PCDH15: variants seen among roughly 807,000 people sequenced by gnomAD.
The protein encoded by PCDH15 is protocadherin-15.
In PCDH15, 129 loss-of-function variants were observed where a neutral mutation model predicts 178.5. That is an observed-to-expected ratio of 0.72 (90% CI 0.63 to 0.84). The LOEUF (loss-of-function observed/expected upper bound fraction) is 0.84, where lower values mean the gene tolerates loss of function less well. PCDH15 is among the 40% of genes least tolerant of loss of function. The pLI, the probability that PCDH15 is intolerant of heterozygous loss-of-function variation, is 0.00. For missense variants in PCDH15, 2,230 were observed against 2,099.9 expected (o/e 1.06, Z -1.21); for synonymous variants, 800 against 732.0 (o/e 1.09, Z -1.50).
Position 54,257,403 on chromosome 10 carries a change from C to CTTTTTTT in PCDH15, c.877-20479_877-20473dup, listed in dbSNP as rs71461225. On this transcript the variant is annotated intron_variant, in intron 8 of 37. Coordinates refer to ENST00000644397, the MANE Select transcript of PCDH15 (RefSeq NM_001384140.1). ...TGTGTGAAATAAAGAGAATTGTCTTCTTTTTTTTTTTTTTTTTGTCAAAGA... is the reference window on the plus strand; with the variant it reads ...TGTGTGAAATAAAGAGAATTGTCTTCTTTTTTTTTTTTTTTTTTTTTTTTGTCAAAGA... Among the ~76,000 whole-genome samples, 829 of 125,456 alleles carry CTTTTTTT rather than the reference C, an allele frequency of 6.6e-3. 9 individuals are homozygous for CTTTTTTT. The highest frequency in any genetic ancestry group is 9.1e-3 in the Non-Finnish European group (550 of 60,764). 82.3% of individuals were successfully genotyped at this position (125,456 alleles called of 152,430 possible).
intron 2 of PCDH15, among the ~76,000 whole-genome samples, chr10:54,972,451 A>T (rs1347040322): frequency 1.3e-5 from 2 of 152,082 alleles, no homozygotes; most frequent in Non-Finnish European, 2.9e-5. Flanking sequence ...TAGGCAGGAG[A>T]ATCGCTTGAA....
chr10:54,354,142 C>T (rs1158376767), intron 5 of PCDH15, among the ~76,000 whole-genome samples: 2 of 152,102 alleles, frequency 1.3e-5, no homozygotes, highest in South Asian at 2.1e-4. Flanking sequence ...TGCGCCACCA[C>T]GCCTGGCTAA....
intron 20 of PCDH15, among the ~76,000 whole-genome samples, chr10:54,000,217 G>A (rs78686794): frequency 0.012 from 1,872 of 152,098 alleles, 14 homozygotes; most frequent in Non-Finnish European, 0.019. Flanking sequence ...TAACAAATAC[G>A]AAGAAGTCCA....
chr10:55,029,488 T>G (rs1230767524), intron 2 of PCDH15, among the ~76,000 whole-genome samples: 1 of 151,940 alleles, frequency 6.6e-6, no homozygotes, highest in African/African-American at 2.4e-5. Context: ...ACTCAACACT[T>G]CTGTGCTGAG....
intron 2 of PCDH15, among the ~76,000 whole-genome samples, chr10:55,151,894 G>C (rs1458086830): frequency 6.6e-6 from 1 of 151,420 alleles, no homozygotes; most frequent in Non-Finnish European, 1.5e-5. Context: ...TAAGGATAAA[G>C]ACAGGATATA....
upstream of PCDH15, among the ~76,000 whole-genome samples, chr10:55,321,274 T>C (rs1843893035): frequency 6.6e-6 from 1 of 152,106 alleles, no homozygotes; most frequent in Admixed American, 6.5e-5. Context: ...ACTGGCTCAC[T>C]TAAATGACAC....
chr10:54,083,672 T>C (rs747233277), intron 16 of PCDH15, among the ~76,000 whole-genome samples: 1 of 152,180 alleles, frequency 6.6e-6, no homozygotes, highest in Non-Finnish European at 1.5e-5. Flanking sequence ...GGTTTCTATT[T>C]GGAGTGATGA....
intron 2 of PCDH15, among the ~76,000 whole-genome samples, chr10:54,590,872 C>T (rs572255628): frequency 5.9e-5 from 9 of 151,864 alleles, no homozygotes; most frequent in South Asian, 4.2e-4. Flanking sequence ...AAAAAAAAAC[C>T]GAGACACAAA....
intron 5 of PCDH15, among the ~76,000 whole-genome samples, chr10:54,346,955 A>G (rs1253825364): frequency 1.3e-5 from 2 of 152,222 alleles, no homozygotes; most frequent in Non-Finnish European, 1.5e-5. Context: ...GAGACAATGA[A>G]TAGTCTGTAT....
intron 2 of PCDH15, among the ~76,000 whole-genome samples, chr10:55,581,399 A>G (rs1842611150): frequency 6.6e-6 from 1 of 151,886 alleles, no homozygotes; most frequent in Non-Finnish European, 1.5e-5. Context: ...GAAACATTGA[A>G]AATGTTTAAT....
intron 2 of PCDH15, among the ~76,000 whole-genome samples, chr10:55,439,543 G>A (rs1839131112): frequency 6.6e-6 from 1 of 151,574 alleles, no homozygotes; most frequent in Non-Finnish European, 1.5e-5. Context: ...GGGGGGGAGG[G>A]ATAAGAGTAA....
In PCDH15 at chr10:55,055,998, C is replaced by T. The variant is rs190736248; in HGVS notation, c.-80+110578G>A. Among the ~76,000 whole-genome samples, 32 of 152,186 alleles carry T rather than the reference C, an allele frequency of 2.1e-4. 1 individual carries two copies. The East Asian group carries it at 4.6e-3, about 22-fold the overall frequency. ...ATTCATACTCAAATATATTAATCAG[C>T]GCCCTTTTACATTTCTTCCCTTCTC... On this transcript the variant is annotated intron_variant, in intron 2 of 5. Coordinates refer to the PCDH15 transcript ENST00000458638.
chr10:55,048,782 T>G (rs1841079664), intron 2 of PCDH15, among the ~76,000 whole-genome samples: 1 of 151,984 alleles, frequency 6.6e-6, no homozygotes, highest in African/African-American at 2.4e-5. Context: ...CTTTCAGCAT[T>G]TGTATTATTT....
chr10:54,454,363 C>T (rs1387426901), intron 3 of PCDH15, among the ~76,000 whole-genome samples: 1 of 148,818 alleles, frequency 6.7e-6, no homozygotes, highest in Non-Finnish European at 1.5e-5. Context: ...TAAATCAAAG[C>T]CTTTTCAAAA....
chr10:54,122,320 C>T (rs780446393), intron 15 of PCDH15, among the ~76,000 whole-genome samples: 4 of 151,968 alleles, frequency 2.6e-5, no homozygotes, highest in Non-Finnish European at 5.9e-5. Context: ...TTCAACATCC[C>T]TTCATGGTAA....
intron 10 of PCDH15, among the ~76,000 whole-genome samples, chr10:54,203,085 C>T (rs1251523053): frequency 6.6e-6 from 1 of 152,104 alleles, no homozygotes; most frequent in Admixed American, 6.5e-5. Context: ...TCCTTATAAT[C>T]TGGAGCAAAA....
At chr10:54,120,021 A>G (rs1311009104) in intron 15 of PCDH15, among the ~76,000 whole-genome samples, 1 of 152,090 alleles carries the variant, frequency 6.6e-6, no homozygotes, top group East Asian at 1.9e-4. Flanking sequence ...ATAGAGAAAA[A>G]GGAAAGATCA....
chr10:54,063,804 G>A (rs544184234), intron 18 of PCDH15, among the ~76,000 whole-genome samples: 41 of 152,286 alleles, frequency 2.7e-4, no homozygotes, highest in African/African-American at 9.4e-4. Context: ...TTGGCGGGAC[G>A]GGTAGCTCCA....
intron 23 of PCDH15, among the ~76,000 whole-genome samples, chr10:53,944,186 A>G (rs1180615725): frequency 6.6e-6 from 1 of 152,228 alleles, no homozygotes; most frequent in Non-Finnish European, 1.5e-5. Context: ...TGTGATTTGT[A>G]AATCAATAAA....
Sources: allele counts gnomAD v4.1 joint callset (sites outside exome capture counted in the v4.1 genomes callset), GRCh38; gene constraint gnomAD v4.1.1; transcripts MANE v1.5; gene names NCBI Gene and HGNC (gene_info 2026-07-23, HGNC 2026-07-21).